PIK3C2A: variants seen among roughly 807,000 people sequenced by gnomAD.
PIK3C2A encodes the protein phosphatidylinositol-4-phosphate 3-kinase catalytic subunit type 2 alpha.
Under a neutral mutation model 204.5 loss-of-function variants are expected in PIK3C2A, and 97 were observed. The observed-to-expected ratio is 0.47, with a 90% CI of 0.40 to 0.56. PIK3C2A has a LOEUF of 0.56. Among genes scored for constraint, PIK3C2A ranks in the 20% least tolerant of loss-of-function variants. The pLI is 0.00. For missense variants in PIK3C2A, 1,735 were observed against 1,969.2 expected, an observed-to-expected ratio of 0.88 and a Z score of 2.25; for synonymous variants, 653 against 664.4, an observed-to-expected ratio of 0.98 and a Z score of 0.26.
rs1310439900 is a variant in PIK3C2A, at chr11:17,091,991, C to T, written c.4642+5G>A. On this transcript the variant is annotated splice_donor_5th_base_variant and intron_variant, in intron 30 of 32. Coordinates refer to ENST00000691414, the MANE Select transcript of PIK3C2A (RefSeq NM_002645.4). ...TACCAATAAAGAGAAAAAAAATAAT[C>T]TCACCTGCAGACCTAGCTATCCCTT... 1 of 1,586,234 alleles carries T rather than the reference C, an allele frequency of 6.3e-7. No homozygotes were observed. Among genetic ancestry groups the T allele is most frequent in the South Asian group, 1.1e-5 (1 of 90,460 alleles).
intron 27 of PIK3C2A, among the ~76,000 whole-genome samples, chr11:17,096,748 C>T (rs1047060775): frequency 7.9e-5 from 12 of 152,094 alleles, no homozygotes; most frequent in Admixed American, 5.2e-4. Context: ...ACAATGTGTG[C>T]GTGTTTTGTA....
chr11:17,172,340 G>A (rs1246299141), intron 1 of PIK3C2A, among the ~76,000 whole-genome samples: 1 of 152,184 alleles, frequency 6.6e-6, no homozygotes, highest in Non-Finnish European at 1.5e-5. Context: ...TGCAGCCACT[G>A]CTATGTGAAT....
chr11:17,157,459 CAAAAAAAAAA>C (rs11387654), intron 2 of PIK3C2A, among the ~76,000 whole-genome samples: 1 of 99,650 alleles, frequency 1.0e-5, no homozygotes, highest in Non-Finnish European at 1.9e-5. Context: ...GACTCTGTCT[CAAAAAAAAAA>C]AAAAAAAAAA....
intron 1 of PIK3C2A, chr11:17,204,267 T>C (rs1214751582): frequency 6.6e-6 from 1 of 152,198 alleles, no homozygotes; most frequent in Admixed American, 6.5e-5. Context: ...ACACCAGATT[T>C]AAAAGATTTA....
intron 11 of PIK3C2A, among the ~76,000 whole-genome samples, chr11:17,133,905 G>T (rs2137386719): frequency 6.6e-6 from 1 of 151,794 alleles, no homozygotes; most frequent in South Asian, 2.1e-4. Context: ...TCTACCATGG[G>T]CAACAATGCA....
chr11:17,162,119 T>C (rs952308104), intron 2 of PIK3C2A, among the ~76,000 whole-genome samples: 5 of 152,104 alleles, frequency 3.3e-5, no homozygotes, highest in African/African-American at 1.2e-4. Flanking sequence ...GTGGATCACC[T>C]GAGGTCACGA....
At chr11:17,163,812 T>C (rs1490533005) in intron 2 of PIK3C2A, among the ~76,000 whole-genome samples, 9 of 151,852 alleles carry the variant, frequency 5.9e-5, no homozygotes, top group Admixed American at 4.6e-4. Context: ...AAAATTAGTA[T>C]ATCAACATTT....
At chr11:17,139,609 C>T (rs1339072785) in intron 8 of PIK3C2A, among the ~76,000 whole-genome samples, 1 of 152,194 alleles carries the variant, frequency 6.6e-6, no homozygotes, top group African/African-American at 2.4e-5. Flanking sequence ...ATGGTCATTT[C>T]CCCAACGGCA....
At chr11:17,207,232 G>A (rs1852612640) in intron 1 of PIK3C2A, among the ~76,000 whole-genome samples, 1 of 152,176 alleles carries the variant, frequency 6.6e-6, no homozygotes, top group Non-Finnish European at 1.5e-5. Context: ...TTTTTAATCT[G>A]ACCGCTCTCT....
At chr11:17,145,758 T>C in intron 7 of PIK3C2A, 27 bp from the exon 8 acceptor site, 1 of 1,568,844 alleles carries the variant, frequency 6.4e-7, no homozygotes, top group Non-Finnish European at 8.8e-7. Context: ...TTATTGTGGC[T>C]GAAGGATGCT....
intron 1 of PIK3C2A, among the ~76,000 whole-genome samples, chr11:17,181,056 G>GTTTACTTATTACTGACTT (rs1851532943): frequency 2.0e-5 from 3 of 152,098 alleles, no homozygotes; most frequent in Admixed American, 6.6e-5. Flanking sequence ...AAAGGGAAGA[G>GTTTACTTATTACTGACTT]ATGCATAGGG....
chr11:17,101,304 T>C lies in PIK3C2A; in HGVS notation c.3982A>G (p.Asn1328Asp), dbSNP rs746199635. 6.4e-7 allele frequency: 1 copy of C among 1,557,260 alleles called. No individual in the cohort carries two copies. ...AGTGAAAGGAGGTTAAGAAAAAGGTTTGTCTGCTTTCTTATCAAGTTGTAG... is the reference window on the plus strand; with the variant it reads ...AGTGAAAGGAGGTTAAGAAAAAGGTCTGTCTGCTTTCTTATCAAGTTGTAG... ...QAYNLIRKQTNLFLNLLSLMI... is the reference protein window; with the variant it reads ...QAYNLIRKQTDLFLNLLSLMI... The change falls in exon 25 of 33, where the codon AAC becomes GAC. Residue 1328 changes from asparagine (N) to aspartate (D), a missense_variant. This residue lies in a region of PIK3C2A where 503 missense variants were observed against 669.0 expected (regional missense o/e 0.75). Coordinates refer to ENST00000691414, the MANE Select transcript of PIK3C2A (RefSeq NM_002645.4).
rs1295424599 is a variant in PIK3C2A, at chr11:17,118,850, AGAT to A, written c.2941-114_2941-112del. 3 of 581,522 alleles carry A rather than the reference AGAT, an allele frequency of 5.2e-6. No individual in the cohort carries two copies. The African/African-American group carries it at 5.8e-5, about 11-fold the overall frequency. 36.0% of individuals were successfully genotyped at this position (581,522 alleles called of 1,614,324 possible). On this transcript the variant is annotated intron_variant, in intron 17 of 32. Transcript: ENST00000691414. Reference sequence around the variant, plus strand: ...AGCAAGTATTACTCTTACTGATGAAAGATGATACTTATAAAAATTAAATAGATG... The same window carrying A: ...AGCAAGTATTACTCTTACTGATGAAAGATACTTATAAAAATTAAATAGATG...
In PIK3C2A at chr11:17,117,684, A is replaced by G. The variant is rs1246716287; in HGVS notation, c.3036-13T>C. The G allele has an allele frequency of 7.2e-7, 1 of 1,385,820 alleles. No homozygotes were observed. The highest frequency in any genetic ancestry group is 2.1e-5 in the Admixed American group (1 of 46,684). 85.8% of individuals were successfully genotyped at this position (1,385,820 alleles called of 1,614,324 possible). A position where few individuals can be genotyped will look rare whatever the true frequency, so the allele number is the denominator to read the frequency against. On this transcript the variant is annotated splice_polypyrimidine_tract_variant and intron_variant, in intron 18 of 32. Transcript: ENST00000691414. ...ATCTTTGAGAAGCCTAATACAGCAA[A>G]ATATTTATGTTAGTCACGTCTTGGT...
chr11:17,205,053 T>A (rs1852517420), intron 1 of PIK3C2A, among the ~76,000 whole-genome samples: 1 of 151,772 alleles, frequency 6.6e-6, no homozygotes, highest in South Asian at 2.1e-4. Flanking sequence ...GGTGTGCACC[T>A]GTAATCCCAG....
At position 17,101,894 on chromosome 11, in the gene PIK3C2A, C is replaced by T. The variant is rs564783146; in HGVS notation, c.3852-460G>A. Among the ~76,000 whole-genome samples the T allele has an allele frequency of 1.3e-4, 20 of 152,022 alleles. No individual in the cohort carries two copies. The East Asian group carries it at 2.5e-3, about 19-fold the overall frequency. ...CTGGGATTACAGGCGTGAGCCACTG[C>T]ACCCGGCCTCTAAAATAACATTTTT... is the stretch of plus-strand genomic sequence containing the variant. On this transcript the variant is annotated intron_variant, in intron 24 of 32. Coordinates refer to ENST00000691414, the MANE Select transcript of PIK3C2A (RefSeq NM_002645.4).
intron 22 of PIK3C2A, among the ~76,000 whole-genome samples, chr11:17,107,040 G>A (rs1312904088): frequency 6.6e-6 from 1 of 152,164 alleles, no homozygotes; most frequent in South Asian, 2.1e-4. Context: ...TCTGCCAGGC[G>A]TGGTGGCTCA....
chr11:17,174,126 G>A (rs1851262947), intron 1 of PIK3C2A, among the ~76,000 whole-genome samples: 1 of 151,916 alleles, frequency 6.6e-6, no homozygotes. Flanking sequence ...TCACCTGGCT[G>A]AACATGTGTT....
chr11:17,155,910 T>C (rs1850575946), intron 2 of PIK3C2A, among the ~76,000 whole-genome samples: 1 of 152,186 alleles, frequency 6.6e-6, no homozygotes, highest in Non-Finnish European at 1.5e-5. Context: ...AAAATATTCC[T>C]AAAATAGACA....
Sources: gnomAD v4.1 joint callset for allele counts (sites outside exome capture counted in the v4.1 genomes callset) on GRCh38, gnomAD v4.1.1 for gene constraint, gnomAD v4.1.1 regional missense constraint, MANE v1.5 for transcripts, NCBI Gene and HGNC (gene_info 2026-07-23, HGNC 2026-07-21) for gene names.